Variants in EVI5 observed in about 807,000 individuals in gnomAD.
EVI5 encodes the protein ecotropic viral integration site 5 protein homolog.
A neutral mutation model predicts 112.0 loss-of-function variants in EVI5; 73 were observed. The observed-to-expected ratio is 0.65, with a 90% CI of 0.54 to 0.79. EVI5 has a LOEUF of 0.79. Among genes scored for constraint, EVI5 ranks in the 30% least tolerant of loss-of-function variants. The pLI is 0.00. For missense variants in EVI5, 900 were observed against 968.8 expected (o/e 0.93, Z 0.94); for synonymous variants, 305 against 319.9 (o/e 0.95, Z 0.50).
chr1:92,538,652 A>G (rs1263177788), intron 19 of EVI5, among the ~76,000 whole-genome samples: 1 of 152,240 alleles, frequency 6.6e-6, no homozygotes, highest in African/African-American at 2.4e-5. Context: ...AAAACTAAAC[A>G]GCTGATTCCA....
intron 19 of EVI5, among the ~76,000 whole-genome samples, chr1:92,530,282 C>A (rs1405546197): frequency 2.0e-5 from 3 of 152,150 alleles, no homozygotes; most frequent in Non-Finnish European, 2.9e-5. Context: ...AACGCAGCAG[C>A]CCCAGTCAGG....
chr1:92,608,090 G>A (rs1395523565), intron 16 of EVI5, among the ~76,000 whole-genome samples: 2 of 151,740 alleles, frequency 1.3e-5, no homozygotes, highest in Admixed American at 6.6e-5. Flanking sequence ...GGTGGAGCCT[G>A]CAGTGAGCGG....
chr1:92,748,274 G>C (rs964670273), intron 1 of EVI5, among the ~76,000 whole-genome samples: 1 of 152,126 alleles, frequency 6.6e-6, no homozygotes. Context: ...CCCACGCAGA[G>C]ACCACATGGA....
intron 19 of EVI5, among the ~76,000 whole-genome samples, chr1:92,549,148 A>T (rs1226149039): frequency 6.8e-6 from 1 of 148,122 alleles, no homozygotes; most frequent in East Asian, 1.9e-4. Context: ...ACCAAAACAG[A>T]GATATAGATC....
intron 18 of EVI5, among the ~76,000 whole-genome samples, chr1:92,598,732 C>A (rs1648491466): frequency 6.6e-6 from 1 of 152,002 alleles, no homozygotes; most frequent in Non-Finnish European, 1.5e-5. Flanking sequence ...TAGCAAAAAA[C>A]CCACCAATAA....
intron 9 of EVI5, among the ~76,000 whole-genome samples, chr1:92,685,951 T>C (rs1384092841): frequency 6.6e-6 from 1 of 151,986 alleles, no homozygotes; most frequent in East Asian, 1.9e-4. Context: ...GGATTCACAG[T>C]CAAATTCTTC....
chr1:92,607,400 C>A (rs2101600846), intron 17 of EVI5, 181 bp downstream of exon 17: 1 of 439,808 alleles, frequency 2.3e-6, no homozygotes, highest in Non-Finnish European at 3.9e-6. Context: ...CTAAAATCCA[C>A]CCCAGAAGCA....
chr1:92,545,465 G>A (rs1383989262), intron 19 of EVI5, among the ~76,000 whole-genome samples: 1 of 151,368 alleles, frequency 6.6e-6, no homozygotes, highest in African/African-American at 2.4e-5. Context: ...CAAAAATCAT[G>A]GTATAGTCAA....
chr1:92,663,662 A>G (rs1359304083), intron 11 of EVI5, among the ~76,000 whole-genome samples: 1 of 152,224 alleles, frequency 6.6e-6, no homozygotes, highest in Non-Finnish European at 1.5e-5. Flanking sequence ...GTTGAAAATC[A>G]TGTGTTTCCA....
intron 19 of EVI5, among the ~76,000 whole-genome samples, chr1:92,525,866 T>G (rs1244177741): frequency 6.6e-6 from 1 of 152,344 alleles, no homozygotes; most frequent in South Asian, 2.1e-4. Context: ...TACTTTTTTC[T>G]TAGACCAGAT....
chr1:92,630,727 A>T (rs1656853536), intron 14 of EVI5, among the ~76,000 whole-genome samples: 1 of 152,168 alleles, frequency 6.6e-6, no homozygotes, highest in Admixed American at 6.5e-5. Flanking sequence ...GGTGTTTTAG[A>T]CATGAAGTCC....
At chr1:92,629,076 A>G (rs981596611) in intron 14 of EVI5, among the ~76,000 whole-genome samples, 2 of 152,226 alleles carry the variant, frequency 1.3e-5, no homozygotes, top group Non-Finnish European at 2.9e-5. Context: ...AAATCTTTCT[A>G]ATTGTAAGAC....
chr1:92,710,179 C>A (rs1404088945), intron 2 of EVI5, among the ~76,000 whole-genome samples: 1 of 149,530 alleles, frequency 6.7e-6, no homozygotes, highest in Non-Finnish European at 1.5e-5. Context: ...CCCATCTCTA[C>A]TAAAAATACA....
At chr1:92,530,443 G>A (rs1386501654) in intron 19 of EVI5, among the ~76,000 whole-genome samples, 1 of 152,082 alleles carries the variant, frequency 6.6e-6, no homozygotes, top group Non-Finnish European at 1.5e-5. Context: ...TCTGATAAGG[G>A]ACAGACTGCC....
At chr1:92,659,129 A>G (rs1663532980) in intron 13 of EVI5, among the ~76,000 whole-genome samples, 1 of 152,116 alleles carries the variant, frequency 6.6e-6, no homozygotes, top group East Asian at 1.9e-4. Flanking sequence ...TAAACTTAAG[A>G]CCTGAAAATT....
chr1:92,609,425 T>G (rs963018530), intron 16 of EVI5, among the ~76,000 whole-genome samples: 3 of 67,436 alleles, frequency 4.4e-5, no homozygotes, highest in Non-Finnish European at 6.2e-5. Context: ...TGGCACGACC[T>G]TGGCTCACTG....
chr1:92,744,145 T>C (rs769857100), intron 1 of EVI5, among the ~76,000 whole-genome samples: 32 of 152,168 alleles, frequency 2.1e-4, no homozygotes, highest in Non-Finnish European at 4.0e-4. Context: ...ACAACACAAG[T>C]TGTATAGATA....
At chr1:92,531,914 G>T (rs937477107) in intron 19 of EVI5, among the ~76,000 whole-genome samples, 2 of 152,050 alleles carry the variant, frequency 1.3e-5, no homozygotes, top group African/African-American at 4.8e-5. Flanking sequence ...CATCATAATG[G>T]CAGGATCAAA....
intron 9 of EVI5, among the ~76,000 whole-genome samples, chr1:92,679,683 C>A (rs955825386): frequency 6.6e-6 from 1 of 152,140 alleles, no homozygotes; most frequent in Non-Finnish European, 1.5e-5. Context: ...ATTGCTGTTA[C>A]CTAAAGCCCA....
Sources: gnomAD v4.1 joint callset for allele counts (sites outside exome capture counted in the v4.1 genomes callset) on GRCh38, gnomAD v4.1.1 for gene constraint, MANE v1.5 for transcripts, NCBI Gene and HGNC (gene_info 2026-07-23, HGNC 2026-07-21) for gene names.